ARID5B: variants seen among roughly 807,000 people sequenced by gnomAD.
ARID5B encodes AT-rich interaction domain 5B.
ARID5B carries 13 observed loss-of-function variants against 97.2 expected under a neutral mutation model. That is an observed-to-expected ratio of 0.13 (90% CI 0.09 to 0.21). The LOEUF is 0.21. Among genes scored for constraint, ARID5B ranks in the 10% least tolerant of loss-of-function variants. The probability of loss-of-function intolerance (pLI) is 1.00; values close to 1 mark genes in which losing one functional copy is unlikely to be tolerated. For missense variants in ARID5B, 1,210 were observed against 1,465.3 expected, an observed-to-expected ratio of 0.83 and a Z score of 2.84; for synonymous variants, 556 against 570.3, an observed-to-expected ratio of 0.97 and a Z score of 0.36.
rs117065285 is a variant in ARID5B, at chr10:62,034,391, G to A, written c.734-16497G>A. On this transcript the variant is annotated intron_variant, in intron 4 of 9. Transcript: ENST00000279873. ...AGTTTAATAGCACTTGCCATCTCAG[G>A]CTTTATGGTGCCAGGCCTGACATAG... Among the ~76,000 whole-genome samples the A allele has an allele frequency of 7.0e-3, 1,066 of 152,252 alleles. 12 individuals carry two copies. Among genetic ancestry groups the A allele is most frequent in the Non-Finnish European group, 0.012 (802 of 68,026 alleles).
At chr10:61,978,505 T>G (rs1328926050) in intron 3 of ARID5B, among the ~76,000 whole-genome samples, 2 of 152,234 alleles carry the variant, frequency 1.3e-5, no homozygotes, top group South Asian at 2.1e-4. Flanking sequence ...TGGAATGTTC[T>G]TCCATTTGTT....
chr10:62,035,806 TTTTTGTTTTG>T (rs879729559), intron 4 of ARID5B, among the ~76,000 whole-genome samples: 4 of 151,216 alleles, frequency 2.6e-5, no homozygotes, highest in East Asian at 3.9e-4. Context: ...GTAAGGAAGC[TTTTTGTTTTG>T]TTTTGTTTTG....
At position 62,048,342 on chromosome 10, in the gene ARID5B, T is replaced by C. The variant is rs145152950; in HGVS notation, c.734-2546T>C. ...GATTCTCCAGTCTGGTATAATAATA[T>C]GCCAAAAACCACAGCTAAAGTACAA... On this transcript the variant is annotated intron_variant, in intron 4 of 9. Transcript: ENST00000279873. Among the ~76,000 whole-genome samples, 200 of 152,156 alleles carry C rather than the reference T, an allele frequency of 1.3e-3. 1 individual carries two copies. Among genetic ancestry groups the C allele is most frequent in the African/African-American group, 4.5e-3 (187 of 41,514 alleles).
At chr10:61,953,982 A>C (rs1338592451) in intron 3 of ARID5B, among the ~76,000 whole-genome samples, 1 of 152,222 alleles carries the variant, frequency 6.6e-6, no homozygotes, top group Non-Finnish European at 1.5e-5. Context: ...ATCTATTATA[A>C]GACATTGAAA....
chr10:61,964,479 C>T (rs1838516758), intron 3 of ARID5B, among the ~76,000 whole-genome samples: 1 of 152,154 alleles, frequency 6.6e-6, no homozygotes, highest in Non-Finnish European at 1.5e-5. Context: ...CTGAATAGTG[C>T]TCTTCAAAAT....
At chr10:62,022,233 T>C (rs1004699949) in intron 4 of ARID5B, among the ~76,000 whole-genome samples, 10 of 152,230 alleles carry the variant, frequency 6.6e-5, no homozygotes, top group African/African-American at 2.4e-4. Flanking sequence ...CTCTAGATGG[T>C]GTGCGGATTT....
chr10:61,973,403 G>A (rs552951150), intron 3 of ARID5B, among the ~76,000 whole-genome samples: 1 of 152,308 alleles, frequency 6.6e-6, no homozygotes, highest in Admixed American at 6.5e-5. Flanking sequence ...AGGGGCTCCA[G>A]GGCTCTGGGG....
chr10:62,025,945 A>T (rs2132897300), intron 4 of ARID5B, among the ~76,000 whole-genome samples: 1 of 152,332 alleles, frequency 6.6e-6, no homozygotes, highest in African/African-American at 2.4e-5. Flanking sequence ...GTATCTGGTG[A>T]ATACACACCA....
At chr10:62,059,061 T>C (rs2132941372) in intron 6 of ARID5B, among the ~76,000 whole-genome samples, 182 bp from the exon 7 acceptor site, 1 of 152,330 alleles carries the variant, frequency 6.6e-6, no homozygotes, top group African/African-American at 2.4e-5. Flanking sequence ...TTTTAAGTGG[T>C]AATAATAGAT....
intron 3 of ARID5B, among the ~76,000 whole-genome samples, chr10:61,946,708 G>C (rs963889752): frequency 6.6e-6 from 1 of 152,156 alleles, no homozygotes; most frequent in Non-Finnish European, 1.5e-5. Flanking sequence ...GGATCACAAG[G>C]TCAGGAGTTC....
intron 3 of ARID5B, among the ~76,000 whole-genome samples, chr10:61,962,336 G>A (rs1486622568): frequency 6.6e-6 from 1 of 152,196 alleles, no homozygotes; most frequent in African/African-American, 2.4e-5. Context: ...AAAAACAAAG[G>A]TGAAGGCTCA....
At chr10:61,984,078 T>C (rs1451539861) in intron 3 of ARID5B, among the ~76,000 whole-genome samples, 1 of 152,212 alleles carries the variant, frequency 6.6e-6, no homozygotes, top group Non-Finnish European at 1.5e-5. Context: ...TTTTAAAATC[T>C]CAGACTCAGA....
At chr10:62,026,166 A>C (rs1396650843) in intron 4 of ARID5B, among the ~76,000 whole-genome samples, 1 of 152,250 alleles carries the variant, frequency 6.6e-6, no homozygotes, top group Non-Finnish European at 1.5e-5. Flanking sequence ...GCCTTGTTGC[A>C]AGAAACACAA....
chr10:61,912,188 A>G lies in ARID5B; in HGVS notation c.276+9775A>G, dbSNP rs574532677. On this transcript the variant is annotated intron_variant, in intron 2 of 9. Coordinates refer to ENST00000279873, the MANE Select transcript of ARID5B (RefSeq NM_032199.3). ...ATCGCAGTATAACTGGAGACAAAGA[A>G]CTAAGTGCAAATAATTTAAATTCAC... is the stretch of plus-strand genomic sequence containing the variant. 2.6e-5 allele frequency among the ~76,000 whole-genome samples: 4 copies of G among 152,338 alleles called. No individual in the cohort carries two copies. In the South Asian group the frequency reaches 8.3e-4, roughly 32 times the overall value.
chr10:61,940,919 T>A, intron 3 of ARID5B, among the ~76,000 whole-genome samples: 1 of 80,896 alleles, frequency 1.2e-5, no homozygotes, highest in South Asian at 6.1e-4. Flanking sequence ...AGTGGTACCA[T>A]CAACTATATA....
chr10:61,976,843 A>G (rs1332846897), intron 3 of ARID5B, among the ~76,000 whole-genome samples: 1 of 143,244 alleles, frequency 7.0e-6, no homozygotes, highest in Admixed American at 7.0e-5. Flanking sequence ...TGTTTGTGGG[A>G]GAGAAACTTT....
intron 3 of ARID5B, among the ~76,000 whole-genome samples, chr10:61,946,110 C>T (rs953787846): frequency 2.0e-5 from 3 of 149,944 alleles, no homozygotes; most frequent in African/African-American, 7.3e-5. Context: ...CTTTTATCCT[C>T]CTGAAAATTC....
chr10:61,933,099 A>G (rs1329519227), intron 2 of ARID5B, among the ~76,000 whole-genome samples: 1 of 152,194 alleles, frequency 6.6e-6, no homozygotes, highest in Non-Finnish European at 1.5e-5. Flanking sequence ...AAAACAAAAA[A>G]ACATTGTTGA....
At chr10:62,027,875 T>C (rs746637373) in intron 4 of ARID5B, among the ~76,000 whole-genome samples, 2 of 152,174 alleles carry the variant, frequency 1.3e-5, no homozygotes, top group African/African-American at 2.4e-5. Context: ...ACCCTTGTGA[T>C]GTTTCTTACT....
Sources: allele counts gnomAD v4.1 joint callset (sites outside exome capture counted in the v4.1 genomes callset), GRCh38; gene constraint gnomAD v4.1.1; transcripts MANE v1.5; gene names NCBI Gene and HGNC (gene_info 2026-07-23, HGNC 2026-07-21).